The following DOK6 variants were observed in gnomAD, a reference collection of about 807,000 sequenced individuals.
DOK6 encodes downstream of tyrosine kinase 6.
DOK6 carries 22 observed loss-of-function variants against 44.0 expected under a neutral mutation model. The observed-to-expected ratio is 0.50, with a 90% CI of 0.36 to 0.71. The LOEUF (loss-of-function observed/expected upper bound fraction) is 0.71, where lower values mean the gene tolerates loss of function less well. DOK6 is among the 30% of genes least tolerant of loss of function. The pLI, the probability that DOK6 is intolerant of heterozygous loss-of-function variation, is 0.00. For synonymous variants in DOK6, 166 were observed against 145.5 expected (o/e 1.14, Z -1.01); for missense variants, 340 against 416.4 (o/e 0.82, Z 1.60).
chr18:69,771,053 A>G (rs1294764709), intron 7 of DOK6, among the ~76,000 whole-genome samples: 1 of 152,024 alleles, frequency 6.6e-6, no homozygotes, highest in African/African-American at 2.4e-5. Context: ...GATATCTGAA[A>G]ATCTGATGGA....
At position 69,758,479 on chromosome 18, in the gene DOK6, A is replaced by AT. The variant is rs10570084; in HGVS notation, c.856+618dup. Among the ~76,000 whole-genome samples the AT allele has an allele frequency of 4.1e-3, 626 of 151,180 alleles. 4 individuals are homozygous for AT. Among genetic ancestry groups the AT allele is most frequent in the African/African-American group, 0.011 (463 of 41,016 alleles). On this transcript the variant is annotated intron_variant, in intron 7 of 7. Transcript: ENST00000382713. Reference sequence around the variant, plus strand: ...GATGAATCAAATTAATAGCTAGCAGATTTTTTTTTTTTACTAACAGCAGCA... The same window carrying AT: ...GATGAATCAAATTAATAGCTAGCAGATTTTTTTTTTTTTACTAACAGCAGCA...
intron 1 of DOK6, among the ~76,000 whole-genome samples, chr18:69,497,282 A>G (rs1599159545): frequency 6.6e-6 from 1 of 152,230 alleles, no homozygotes; most frequent in African/African-American, 2.4e-5. Context: ...AGCAGTTTTA[A>G]GTAGTCCCTA....
At chr18:69,839,158 A>C (rs1236986948) in intron 7 of DOK6, among the ~76,000 whole-genome samples, 107 of 48,114 alleles carry the variant, frequency 2.2e-3, no homozygotes, top group Admixed American at 3.2e-3. Flanking sequence ...GCTCTTCCCC[A>C]CTCTCCCTAA....
rs560124424 is a variant in DOK6, at chr18:69,683,784, G to C, written c.409+5931G>C. Among the ~76,000 whole-genome samples, 3 of 152,292 alleles carry C rather than the reference G, an allele frequency of 2.0e-5. No individual in the cohort carries two copies. The South Asian group carries it at 6.2e-4, about 32-fold the overall frequency. On this transcript the variant is annotated intron_variant, in intron 4 of 7. Coordinates refer to ENST00000382713, the MANE Select transcript of DOK6 (RefSeq NM_152721.6). ...TGGTACTTTGTTATGATAGCCCTAG[G>C]AAACAAATACCAGCCCTGTATGATA...
chr18:69,442,012 A>C (rs1979150006), intron 1 of DOK6, among the ~76,000 whole-genome samples: 1 of 152,156 alleles, frequency 6.6e-6, no homozygotes, highest in African/African-American at 2.4e-5. Flanking sequence ...GAACATGCAG[A>C]GATAGAGGTA....
intron 1 of DOK6, among the ~76,000 whole-genome samples, chr18:69,539,712 A>G (rs999315552): frequency 3.3e-5 from 5 of 152,194 alleles, no homozygotes; most frequent in Admixed American, 2.0e-4. Context: ...TATATGAACA[A>G]TTCTATAATA....
At chr18:69,765,997 G>T (rs1265572612) in intron 7 of DOK6, among the ~76,000 whole-genome samples, 1 of 152,042 alleles carries the variant, frequency 6.6e-6, no homozygotes, top group African/African-American at 2.4e-5. Flanking sequence ...GTATACAATA[G>T]CAAAGACATG....
intron 1 of DOK6, among the ~76,000 whole-genome samples, chr18:69,477,586 T>C (rs893000957): frequency 2.6e-5 from 4 of 152,182 alleles, no homozygotes; most frequent in African/African-American, 9.7e-5. Flanking sequence ...TCCATTTCTT[T>C]ATATTTGAAT....
At chr18:69,469,268 T>C (rs1057301296) in intron 1 of DOK6, among the ~76,000 whole-genome samples, 20 of 152,202 alleles carry the variant, frequency 1.3e-4, no homozygotes, top group African/African-American at 4.3e-4. Context: ...ATTTTACCTT[T>C]TTTATTTATT....
At chr18:69,439,376 C>G (rs538926688) in intron 1 of DOK6, among the ~76,000 whole-genome samples, 2 of 152,322 alleles carry the variant, frequency 1.3e-5, no homozygotes, top group South Asian at 4.1e-4. Flanking sequence ...TAACCTCTAA[C>G]AGGAGAGCCA....
intron 3 of DOK6, among the ~76,000 whole-genome samples, chr18:69,628,346 C>G (rs887462046): frequency 2.0e-5 from 3 of 152,126 alleles, no homozygotes; most frequent in Non-Finnish European, 4.4e-5. Context: ...AAAACTTATC[C>G]AGGTTTCATG....
At chr18:69,689,794 T>G (rs1382372100) in intron 4 of DOK6, among the ~76,000 whole-genome samples, 1 of 152,292 alleles carries the variant, frequency 6.6e-6, no homozygotes, top group South Asian at 2.1e-4. Flanking sequence ...TATTGCATCT[T>G]AATTTACATT....
intron 7 of DOK6, among the ~76,000 whole-genome samples, chr18:69,760,573 C>T (rs891975599): frequency 1.3e-5 from 2 of 152,094 alleles, no homozygotes; most frequent in African/African-American, 2.4e-5. Context: ...AAACCAAGTG[C>T]GCAGCTTGAC....
chr18:69,466,742 C>G (rs1472672368), intron 1 of DOK6, among the ~76,000 whole-genome samples: 8 of 150,288 alleles, frequency 5.3e-5, no homozygotes, highest in African/African-American at 1.7e-4. Flanking sequence ...TCTGAAAAAT[C>G]CCAAAGACTC....
chr18:69,606,048 A>G lies in DOK6; in HGVS notation c.289+6550A>G, dbSNP rs370803552. Among the ~76,000 whole-genome samples the G allele has an allele frequency of 1.1e-4, 16 of 152,128 alleles. No homozygotes were observed. The East Asian group carries it at 3.1e-3, about 29-fold the overall frequency. On this transcript the variant is annotated intron_variant, in intron 3 of 7. Transcript: ENST00000382713. Reference sequence around the variant, plus strand: ...GCACTTTGGGAGGCCGAGGCAGGCAAATTACCTCAGGTCAGGAGTTCAGGA... The same window carrying G: ...GCACTTTGGGAGGCCGAGGCAGGCAGATTACCTCAGGTCAGGAGTTCAGGA...
intron 2 of DOK6, among the ~76,000 whole-genome samples, chr18:69,568,359 G>A (rs1284322755): frequency 6.6e-6 from 1 of 152,122 alleles, no homozygotes; most frequent in Admixed American, 6.5e-5. Flanking sequence ...TGTTTACCTC[G>A]GCCTGTACTT....
intron 7 of DOK6, among the ~76,000 whole-genome samples, chr18:69,777,713 C>T (rs889835729): frequency 1.5e-5 from 2 of 132,550 alleles, no homozygotes; most frequent in Non-Finnish European, 3.1e-5. Context: ...CACTTCACAA[C>T]AAGTATTAGG....
intron 1 of DOK6, chr18:69,470,188 AG>A (rs1158703608): frequency 6.6e-6 from 1 of 151,544 alleles, no homozygotes; most frequent in African/African-American, 2.4e-5. Context: ...CCCCAAGTCC[AG>A]GGGTCAGCAG....
intron 3 of DOK6, among the ~76,000 whole-genome samples, chr18:69,614,509 C>T (rs1483684269): frequency 6.6e-6 from 1 of 151,524 alleles, no homozygotes; most frequent in Non-Finnish European, 1.5e-5. Flanking sequence ...ATTAAAATAT[C>T]TGTCACTTCA....
Sources: allele counts gnomAD v4.1 joint callset (sites outside exome capture counted in the v4.1 genomes callset), GRCh38; gene constraint gnomAD v4.1.1; transcripts MANE v1.5; gene names NCBI Gene and HGNC (gene_info 2026-07-23, HGNC 2026-07-21).